GRID1: variants seen among roughly 807,000 people sequenced by gnomAD.
The protein encoded by GRID1 is glutamate ionotropic receptor delta type subunit 1.
In GRID1, 28 loss-of-function variants were observed where a neutral mutation model predicts 98.0. The ratio of observed to expected loss-of-function variants is 0.29; its 90% CI spans 0.21 to 0.39. The LOEUF (loss-of-function observed/expected upper bound fraction) is 0.39. Ranked by LOEUF, GRID1 falls within the 10% of genes least tolerant of loss-of-function variation. The pLI is 1.00. For missense variants in GRID1, 1,111 were observed against 1,340.5 expected (o/e 0.83, Z 2.67); for synonymous variants, 553 against 538.5 (o/e 1.03, Z -0.37).
rs144985052 is a variant in GRID1 at position 86,292,119 on chromosome 10, C to T, written c.235+71822G>A. ...ACAGACACCCTCCAGGTCAGGCCCA[C>T]GACAGAGGCTGCAGGCTTGTGCAAG... On this transcript the variant is annotated intron_variant, in intron 2 of 15. Transcript: ENST00000327946. Among the ~76,000 whole-genome samples the T allele has an allele frequency of 1.5e-3, 235 of 152,348 alleles. 5 individuals carry two copies. In the East Asian group the frequency reaches 0.037, roughly 24 times the overall value.
chr10:86,010,193 T>C (rs1159343703), intron 4 of GRID1, among the ~76,000 whole-genome samples: 1 of 152,226 alleles, frequency 6.6e-6, no homozygotes, highest in Non-Finnish European at 1.5e-5. Flanking sequence ...TATACTCCTA[T>C]TTTGGCACTT....
At chr10:86,124,591 G>A (rs1022375575) in intron 4 of GRID1, among the ~76,000 whole-genome samples, 1 of 152,110 alleles carries the variant, frequency 6.6e-6, no homozygotes, top group Non-Finnish European at 1.5e-5. Context: ...CTTCATGGGG[G>A]TTGTCACTAC....
At chr10:86,186,808 G>A (rs1845731342) in intron 3 of GRID1, among the ~76,000 whole-genome samples, 1 of 152,204 alleles carries the variant, frequency 6.6e-6, no homozygotes, top group African/African-American at 2.4e-5. Flanking sequence ...CAACCCCAGA[G>A]CACATAAGAA....
chr10:85,689,256 A>G (rs1841305972), intron 12 of GRID1, among the ~76,000 whole-genome samples: 1 of 152,224 alleles, frequency 6.6e-6, no homozygotes, highest in African/African-American at 2.4e-5. Context: ...TAGGCTAATA[A>G]GGAAAGAGCC....
intron 12 of GRID1, among the ~76,000 whole-genome samples, chr10:85,703,437 C>T (rs1435719688): frequency 6.6e-6 from 1 of 151,850 alleles, no homozygotes; most frequent in Non-Finnish European, 1.5e-5. Flanking sequence ...AAATATATAT[C>T]TTAGAGACGC....
At position 86,347,503 on chromosome 10, in the gene GRID1, T is replaced by C. The variant is rs541429031; in HGVS notation, c.235+16438A>G. ...GCCCAGTGAGCTGAAGTCCTGGGAC[T>C]CCTGTGAGACTCTTGTTAAATAATC... is the stretch of plus-strand genomic sequence containing the variant. On this transcript the variant is annotated intron_variant, in intron 2 of 15. Coordinates refer to ENST00000327946, the MANE Select transcript of GRID1 (RefSeq NM_017551.3). Among the ~76,000 whole-genome samples, 5 of 152,340 alleles carry C rather than the reference T, an allele frequency of 3.3e-5. No individual in the cohort carries two copies. In the East Asian group the frequency reaches 5.8e-4, roughly 18 times the overall value.
At chr10:85,806,079 A>G (rs1842620835) in intron 8 of GRID1, among the ~76,000 whole-genome samples, 1 of 151,894 alleles carries the variant, frequency 6.6e-6, no homozygotes, top group Non-Finnish European at 1.5e-5. Flanking sequence ...TAATTAATGA[A>G]TGGTATCCAG....
At chr10:86,005,773 T>C (rs1842853677) in intron 4 of GRID1, among the ~76,000 whole-genome samples, 1 of 152,216 alleles carries the variant, frequency 6.6e-6, no homozygotes, top group Non-Finnish European at 1.5e-5. Flanking sequence ...CAGTATGATA[T>C]GGAAGGGTAA....
chr10:85,791,130 G>A (rs549054650), intron 8 of GRID1, among the ~76,000 whole-genome samples: 76 of 152,292 alleles, frequency 5.0e-4, no homozygotes, highest in African/African-American at 1.7e-3. Context: ...GCTCAGGTCC[G>A]AGCAGAACAC....
intron 4 of GRID1, among the ~76,000 whole-genome samples, chr10:86,083,601 A>C (rs973973858): frequency 6.6e-6 from 1 of 152,322 alleles, no homozygotes; most frequent in East Asian, 1.9e-4. Context: ...GTAAAAGTCC[A>C]TCCTATCTTC....
intron 12 of GRID1, among the ~76,000 whole-genome samples, chr10:85,701,281 A>G (rs1487341325): frequency 1.3e-5 from 2 of 152,172 alleles, no homozygotes; most frequent in East Asian, 1.9e-4. Context: ...TAGGTTCCTC[A>G]CAGCTCTGCT....
intron 8 of GRID1, among the ~76,000 whole-genome samples, chr10:85,762,184 C>T (rs563595220): frequency 6.6e-6 from 1 of 152,204 alleles, no homozygotes; most frequent in African/African-American, 2.4e-5. Flanking sequence ...CCTTTCCCCA[C>T]TGTCTCCTGG....
At chr10:85,952,397 A>G (rs1842137119) in intron 4 of GRID1, among the ~76,000 whole-genome samples, 1 of 152,260 alleles carries the variant, frequency 6.6e-6, no homozygotes, top group South Asian at 2.1e-4. Context: ...ACATGAAAAA[A>G]TTAGCAATGC....
At chr10:86,242,547 T>C (rs2814338) in intron 2 of GRID1, among the ~76,000 whole-genome samples, 141,386 of 152,224 alleles carry the variant, frequency 0.93, 66,277 homozygotes, top group African/African-American at 0.96. Context: ...AGGCAGGGGG[T>C]ACTTTTAAAA....
chr10:85,983,129 G>A (rs1842566053), intron 4 of GRID1, among the ~76,000 whole-genome samples: 1 of 152,184 alleles, frequency 6.6e-6, no homozygotes, highest in South Asian at 2.1e-4. Flanking sequence ...GTCTCTGCCG[G>A]GGAAGCAGGT....
At position 85,819,961 on chromosome 10, in the gene GRID1, AAG is replaced by A. The variant is rs1185276764; in HGVS notation, c.1233+34533_1233+34534del. Reference sequence around the variant, plus strand: ...AGAGAGGGAGGGAGGAAGGGAGAGAAAGAGAGAGGAAGGAAGGAAGGAAGGAA... The same window carrying A: ...AGAGAGGGAGGGAGGAAGGGAGAGAAAGAGAGGAAGGAAGGAAGGAAGGAA... On this transcript the variant is annotated intron_variant, in intron 8 of 15. Coordinates refer to ENST00000327946, the MANE Select transcript of GRID1 (RefSeq NM_017551.3). Among the ~76,000 whole-genome samples, 4 of 136,928 alleles carry A rather than the reference AAG, an allele frequency of 2.9e-5. No homozygotes were observed. In the South Asian group the frequency reaches 7.8e-4, roughly 27 times the overall value. 89.8% of individuals were successfully genotyped at this position (136,928 alleles called of 152,430 possible).
At chr10:86,182,123 T>C (rs1845664481) in intron 3 of GRID1, among the ~76,000 whole-genome samples, 1 of 152,214 alleles carries the variant, frequency 6.6e-6, no homozygotes, top group Non-Finnish European at 1.5e-5. Context: ...GCCTTAGAGC[T>C]GTGTGCTCGC....
At chr10:85,744,174 T>G (rs1023348978) in intron 8 of GRID1, among the ~76,000 whole-genome samples, 3 of 152,142 alleles carry the variant, frequency 2.0e-5, no homozygotes, top group Admixed American at 1.3e-4. Flanking sequence ...CCTTGAAGAC[T>G]TCTCAGAAAG....
chr10:85,952,078 AC>A (rs1842132462), intron 4 of GRID1, among the ~76,000 whole-genome samples: 3 of 152,226 alleles, frequency 2.0e-5, no homozygotes, highest in Middle Eastern at 3.4e-3. Context: ...TCCCAAACAA[AC>A]CTTTCAAAAA....
Sources: gnomAD v4.1 joint callset for allele counts (sites outside exome capture counted in the v4.1 genomes callset) on GRCh38, gnomAD v4.1.1 for gene constraint, MANE v1.5 for transcripts, NCBI Gene and HGNC (gene_info 2026-07-23, HGNC 2026-07-21) for gene names.